EDIL3: variants seen among roughly 807,000 people sequenced by gnomAD.
The protein encoded by EDIL3 is EGF like and discoidin domains 3, also known as EGF-like repeat and discoidin I-like domain-containing protein 3.
EDIL3 carries 37 observed loss-of-function variants against 67.4 expected under a neutral mutation model. The observed-to-expected ratio is 0.55, with a 90% CI of 0.42 to 0.72. The LOEUF is 0.72. Among genes scored for constraint, EDIL3 ranks in the 30% least tolerant of loss-of-function variants. The probability of loss-of-function intolerance (pLI) is 0.00; values close to 1 mark genes in which losing one functional copy is unlikely to be tolerated. For missense variants in EDIL3, 527 were observed against 586.3 expected (o/e 0.90, Z 1.04); for synonymous variants, 195 against 196.3 (o/e 0.99, Z 0.05).
chr5:84,031,994 C>T (rs554645142), intron 9 of EDIL3, among the ~76,000 whole-genome samples: 19 of 152,282 alleles, frequency 1.2e-4, no homozygotes, highest in Admixed American at 6.5e-5. Flanking sequence ...AGGACAAAAT[C>T]AGTGTTTTCA....
intron 2 of EDIL3, among the ~76,000 whole-genome samples, chr5:84,244,994 A>ACCCAT (rs1744877953): frequency 6.6e-6 from 1 of 152,108 alleles, no homozygotes; most frequent in Non-Finnish European, 1.5e-5. Flanking sequence ...CTTTCATGAA[A>ACCCAT]CCCAGTCCTT....
At chr5:84,118,380 ATTAAT>A (rs987599108) in intron 5 of EDIL3, among the ~76,000 whole-genome samples, 5 of 152,178 alleles carry the variant, frequency 3.3e-5, no homozygotes, top group South Asian at 2.1e-4. Flanking sequence ...GATTAATTAG[ATTAAT>A]TTATAGGTGC....
At chr5:84,107,881 C>G (rs1200523844) in intron 5 of EDIL3, among the ~76,000 whole-genome samples, 1 of 150,642 alleles carries the variant, frequency 6.6e-6, no homozygotes, top group African/African-American at 2.4e-5. Context: ...AAAAGATGTT[C>G]TTAATTTCAT....
chr5:84,200,130 G>T (rs184634840), intron 3 of EDIL3, among the ~76,000 whole-genome samples: 161 of 152,142 alleles, frequency 1.1e-3, no homozygotes, highest in African/African-American at 3.6e-3. Flanking sequence ...TATAGATATT[G>T]TATGATTTAT....
intron 1 of EDIL3, among the ~76,000 whole-genome samples, chr5:84,323,242 C>T (rs1746685635): frequency 6.6e-6 from 1 of 151,884 alleles, no homozygotes; most frequent in Admixed American, 6.6e-5. Context: ...TTTTGGGGCA[C>T]ACAATATATT....
At chr5:84,175,110 C>A (rs1261091817) in intron 4 of EDIL3, among the ~76,000 whole-genome samples, 1 of 152,128 alleles carries the variant, frequency 6.6e-6, no homozygotes, top group Non-Finnish European at 1.5e-5. Flanking sequence ...CTGTATGTAA[C>A]CTCCACTTCA....
At chr5:84,294,080 G>A (rs758902955) in intron 1 of EDIL3, among the ~76,000 whole-genome samples, 18 of 151,712 alleles carry the variant, frequency 1.2e-4, no homozygotes, top group Non-Finnish European at 2.2e-4. Context: ...ATACCATAAT[G>A]ACCATAAATT....
At chr5:84,142,330 G>A (rs1044266741) in intron 4 of EDIL3, among the ~76,000 whole-genome samples, 1 of 151,896 alleles carries the variant, frequency 6.6e-6, no homozygotes, top group Non-Finnish European at 1.5e-5. Flanking sequence ...TCCGCTAGTT[G>A]GCCAGAGATG....
At chr5:83,943,799 ATCATTT>A (rs1744266623) in intron 10 of EDIL3, among the ~76,000 whole-genome samples, 1 of 152,044 alleles carries the variant, frequency 6.6e-6, no homozygotes, top group African/African-American at 2.4e-5. Context: ...TCATAGGTCT[ATCATTT>A]TCCTCTACTT....
chr5:84,303,806 C>CTGTGTGTGTGTG (rs1268139374), intron 1 of EDIL3, among the ~76,000 whole-genome samples: 2 of 101,424 alleles, frequency 2.0e-5, no homozygotes, highest in African/African-American at 6.8e-5. Flanking sequence ...CTCTCTCTCT[C>CTGTGTGTGTGTG]TCTGTGTGTG....
chr5:84,360,817 A>G (rs1008728357), intron 1 of EDIL3, among the ~76,000 whole-genome samples: 15 of 152,270 alleles, frequency 9.9e-5, no homozygotes, highest in African/African-American at 3.6e-4. Flanking sequence ...TATTGCTAGT[A>G]TTGGCATCTC....
chr5:84,141,905 TCATATATATATATATATACA>T (rs1283948991), intron 4 of EDIL3, among the ~76,000 whole-genome samples: 2 of 98,642 alleles, frequency 2.0e-5, no homozygotes, highest in East Asian at 5.9e-4. Context: ...GACAAACTAC[TCATATATATATATATATACA>T]CATATATATA....
At position 84,247,398 on chromosome 5, in the gene EDIL3, GACA is replaced by G. The variant is rs1430119093; in HGVS notation, c.196+6683_196+6685del. On this transcript the variant is annotated intron_variant, in intron 2 of 10. Transcript: ENST00000296591. ...ATGAACACTAACAAGAAGTCTTTCG[GACA>G]ACGTCAGACTCTATTATACTACTTG... Among the ~76,000 whole-genome samples, 3 of 151,756 alleles carry G rather than the reference GACA, an allele frequency of 2.0e-5. No individual in the cohort carries two copies. In the South Asian group the frequency reaches 6.2e-4, roughly 31 times the overall value.
chr5:84,045,303 C>G (rs1217653679), intron 9 of EDIL3, among the ~76,000 whole-genome samples: 1 of 152,090 alleles, frequency 6.6e-6, no homozygotes, highest in Non-Finnish European at 1.5e-5. Context: ...ATAAACCAAT[C>G]AACAAGCAAC....
Position 84,207,854 on chromosome 5 carries a change from C to T in EDIL3, c.226+22001G>A, listed in dbSNP as rs1441897131. Among the ~76,000 whole-genome samples the T allele has an allele frequency of 2.5e-3, 381 of 151,826 alleles. 5 individuals carry two copies. The highest frequency in any genetic ancestry group is 0.018 in the Admixed American group (280 of 15,262). ...AAACTGGCTAGCCATATGTAGAAAG[C>T]TGAAACTGGATCCCTTCCTTACACC... On this transcript the variant is annotated intron_variant, in intron 3 of 10. Coordinates refer to ENST00000296591, the MANE Select transcript of EDIL3 (RefSeq NM_005711.5).
At chr5:84,147,460 C>G (rs1241416943) in intron 4 of EDIL3, among the ~76,000 whole-genome samples, 1 of 151,838 alleles carries the variant, frequency 6.6e-6, no homozygotes, top group Non-Finnish European at 1.5e-5. Flanking sequence ...ATATATTTAA[C>G]TTTAATAGAT....
chr5:84,323,257 C>T (rs988357937), intron 1 of EDIL3, among the ~76,000 whole-genome samples: 15 of 151,842 alleles, frequency 9.9e-5, no homozygotes, highest in South Asian at 8.3e-4. Context: ...TATATTAAGA[C>T]GTAATTTTGT....
At chr5:84,288,215 C>A (rs936513846) in intron 1 of EDIL3, among the ~76,000 whole-genome samples, 1 of 152,122 alleles carries the variant, frequency 6.6e-6, no homozygotes, top group Non-Finnish European at 1.5e-5. Context: ...ATACCCACAT[C>A]CTCTCTGTGG....
At chr5:84,377,878 A>C (rs1007993540) in intron 1 of EDIL3, among the ~76,000 whole-genome samples, 2 of 152,250 alleles carry the variant, frequency 1.3e-5, no homozygotes, top group Admixed American at 1.3e-4. Context: ...AAAAGCCGTC[A>C]CCTAAATTCT....
Sources: allele counts gnomAD v4.1 joint callset (sites outside exome capture counted in the v4.1 genomes callset), GRCh38; gene constraint gnomAD v4.1.1; transcripts MANE v1.5; gene names NCBI Gene and HGNC (gene_info 2026-07-23, HGNC 2026-07-21).